LZTFL1: variants seen among roughly 807,000 people sequenced by gnomAD.
LZTFL1 encodes leucine zipper transcription factor-like protein 1.
In LZTFL1, 25 loss-of-function variants were observed where a neutral mutation model predicts 45.9. That is an observed-to-expected ratio of 0.54 (90% CI 0.40 to 0.76). The LOEUF (loss-of-function observed/expected upper bound fraction) is 0.76. LZTFL1 is among the 30% of genes least tolerant of loss of function. The probability of loss-of-function intolerance (pLI) is 0.00; values close to 1 mark genes in which losing one functional copy is unlikely to be tolerated. For synonymous variants in LZTFL1, 93 were observed against 117.4 expected (o/e 0.79, Z 1.35); for missense variants, 277 against 331.1 (o/e 0.84, Z 1.27).
intron 5 of LZTFL1, 86 bp downstream of exon 5, chr3:45,832,964 A>G (rs1700870377): frequency 9.7e-7 from 1 of 1,033,436 alleles, no homozygotes; most frequent in Admixed American, 1.8e-5. Context: ...GAGGACCTGA[A>G]ACAAACCTTC....
At position 45,834,210 on chromosome 3, in the gene LZTFL1, T is replaced by C. The variant is rs747323450; in HGVS notation, c.384+28A>G. 8 of 1,397,168 alleles carry C rather than the reference T, an allele frequency of 5.7e-6. No homozygotes were observed. The African/African-American group carries it at 1.0e-4, about 17-fold the overall frequency. 86.5% of individuals were successfully genotyped at this position (1,397,168 alleles called of 1,614,324 possible). A position where few individuals can be genotyped will look rare whatever the true frequency, so the allele number is the denominator to read the frequency against. On this transcript the variant is annotated intron_variant, in intron 4 of 9. Transcript: ENST00000296135. ...GGATTTTAAATACTGGCTATTAAGA[T>C]ATGGATTTAGAATGACCAAAAAGTT...
intron 8 of LZTFL1, 44 bp from the exon 9 acceptor site, chr3:45,827,503 A>G: frequency 8.5e-7 from 1 of 1,180,372 alleles, no homozygotes; most frequent in Non-Finnish European, 1.3e-6. Flanking sequence ...AAAATAGTTA[A>G]GGAAAGAGAT....
intron 9 of LZTFL1, chr3:45,827,136 G>C (rs1246936278): frequency 7.7e-6 from 4 of 518,270 alleles, no homozygotes; most frequent in Non-Finnish European, 1.0e-5. Flanking sequence ...CTGTAGGCCT[G>C]TGTGAGTCTA....
chr3:45,864,181 A>T (rs183794102), intron 2 of LZTFL1, among the ~76,000 whole-genome samples: 2 of 152,378 alleles, frequency 1.3e-5, no homozygotes. Flanking sequence ...ATAAATTGCT[A>T]TCAAATTACT....
At chr3:45,909,688 C>T (rs1242584642) in intron 2 of LZTFL1, among the ~76,000 whole-genome samples, 1 of 152,212 alleles carries the variant, frequency 6.6e-6, no homozygotes, top group Non-Finnish European at 1.5e-5. Context: ...AACAAAGGAA[C>T]CGAAGGAGGG....
rs923303132 is a variant in LZTFL1, at chr3:45,883,788, T to C, written c.-214-24772A>G. On this transcript the variant is annotated intron_variant, in intron 2 of 4. Transcript: ENST00000472635. ...CCCATGAACACAGTCAGGAACAACT[T>C]GTCCAAGGCCCCAAGACCATGAAGA... 1.3e-5 allele frequency: 7 copies of C among 554,196 alleles called. No individual in the cohort carries two copies. In the African/African-American group the frequency reaches 1.3e-4, roughly 11 times the overall value. 34.3% of individuals were successfully genotyped at this position (554,196 alleles called of 1,614,324 possible).
chr3:45,824,763 G>A lies in LZTFL1; in HGVS notation c.*1551C>T, dbSNP rs989137583. 5 of 398,000 alleles carry A rather than the reference G, an allele frequency of 1.3e-5. No homozygotes were observed. The highest frequency in any genetic ancestry group is 1.0e-4 in the African/African-American group (5 of 48,584). 24.7% of individuals were successfully genotyped at this position (398,000 alleles called of 1,614,324 possible). ...TAGAACATCTTGGTCCACAGACAAT[G>A]GAATGGATTTTTGGAGAGAGTGTCA... On this transcript the variant is annotated 3_prime_UTR_variant, in exon 10 of 10. Coordinates refer to ENST00000296135, the MANE Select transcript of LZTFL1 (RefSeq NM_020347.4).
intron 2 of LZTFL1, among the ~76,000 whole-genome samples, chr3:45,873,735 T>TAAACCAAACC (rs1280800742): frequency 6.6e-6 from 1 of 152,138 alleles, no homozygotes; most frequent in East Asian, 1.9e-4. Context: ...CAAACCAAAC[T>TAAACCAAACC]AAACCAAACC....
rs117433974 is a variant in LZTFL1, at chr3:45,897,853, G to A, written c.-215+15267C>T. 3.4e-4 allele frequency among the ~76,000 whole-genome samples: 51 copies of A among 152,088 alleles called. 1 individual carries two copies. In the East Asian group the frequency reaches 9.1e-3, roughly 27 times the overall value. ...GCTGCAGCAGGAGGAGAGCAGGCTTGCTGGACCGGAGAAGCAACTCCAGGC... is the reference window on the plus strand; with the variant it reads ...GCTGCAGCAGGAGGAGAGCAGGCTTACTGGACCGGAGAAGCAACTCCAGGC... On this transcript the variant is annotated intron_variant, in intron 2 of 4. Coordinates refer to the LZTFL1 transcript ENST00000472635.
At position 45,828,484 on chromosome 3, in the gene LZTFL1, C is replaced by T. The variant is rs766750557; in HGVS notation, c.732G>A (p.Lys244=). 5.0e-6 allele frequency: 8 copies of T among 1,614,192 alleles called. No homozygotes were observed. The South Asian group carries it at 6.6e-5, about 13-fold the overall frequency. Residue 244 remains lysine, a synonymous_variant, in exon 8 of 10, where the codon AAG becomes AAA. Transcript: ENST00000296135. ...GCTCCTGAACCCTGAGTAGATCGTG[C>T]TTGGCTGTCGCCAGATTCTCCTCCA... ...KSLEENLATA[K]HDLLRVQEQL... is the part of the protein sequence containing the mutation.
chr3:45,881,862 C>T lies in LZTFL1; in HGVS notation c.-214-22846G>A, dbSNP rs144947939. 2.5e-3 allele frequency among the ~76,000 whole-genome samples: 382 copies of T among 152,322 alleles called. 2 individuals carry two copies. Among genetic ancestry groups the T allele is most frequent in the African/African-American group, 8.7e-3 (363 of 41,576 alleles). The stretch of plus-strand genomic sequence containing the variant: ...TAATGTGAGCTATCTAAGGCTAGAG[C>T]CGAGGTAGAAATATTAGCTGCTGAA... On this transcript the variant is annotated intron_variant, in intron 2 of 4. Coordinates refer to the LZTFL1 transcript ENST00000472635.
rs1305039074 is a variant in LZTFL1, at chr3:45,904,579, T to C, written c.-215+8541A>G. Among the ~76,000 whole-genome samples, 3 of 152,220 alleles carry C rather than the reference T, an allele frequency of 2.0e-5. No homozygotes were observed. The East Asian group carries it at 5.8e-4, about 29-fold the overall frequency. On this transcript the variant is annotated intron_variant, in intron 2 of 4. Transcript: ENST00000472635. The stretch of plus-strand genomic sequence containing the variant: ...GAGTCCTGAGCAAGGAAGGAAGCAG[T>C]CCACAGTGAGCTCCTTCCATTTTGG...
At position 45,838,012 on chromosome 3, in the gene LZTFL1, T is replaced by C; in HGVS notation, c.43A>G (p.Ile15Val). The C allele has an allele frequency of 6.2e-7, 1 of 1,612,266 alleles. No individual in the cohort carries two copies. Among genetic ancestry groups the C allele is most frequent in the South Asian group, 1.1e-5 (1 of 90,512 alleles). Reference sequence around the variant, plus strand: ...GAACGAGCAAAACGCATATAATTAATAACTTCATTTTGATGGTGCTCATTT... The same window carrying C: ...GAACGAGCAAAACGCATATAATTAACAACTTCATTTTGATGGTGCTCATTT... ...GLNEHHQNEVINYMRFARSKR... is the reference protein window; with the variant it reads ...GLNEHHQNEVVNYMRFARSKR... The change falls in exon 2 of 10, where the codon ATT (isoleucine) becomes GTT (valine). Residue 15 changes from isoleucine (I) to valine (V), a missense_variant. Physicochemically the swap from Ile to Val is conservative, Grantham distance 29 (BLOSUM62 3). Coordinates refer to ENST00000296135, the MANE Select transcript of LZTFL1 (RefSeq NM_020347.4).
At chr3:45,831,167 A>G in intron 5 of LZTFL1, 29 bp from the exon 6 acceptor site, 1 of 1,164,558 alleles carries the variant, frequency 8.6e-7, no homozygotes. Flanking sequence ...ATTTTATTAT[A>G]TTAACCAAAA....
chr3:45,885,953 C>G (rs1701970286), intron 2 of LZTFL1, among the ~76,000 whole-genome samples: 1 of 152,174 alleles, frequency 6.6e-6, no homozygotes, highest in Admixed American at 6.5e-5. Flanking sequence ...TAGGCTCTGC[C>G]TAGTGATCTG....
chr3:45,913,719 T>C (rs1046560056), intron 1 of LZTFL1, among the ~76,000 whole-genome samples: 1 of 152,046 alleles, frequency 6.6e-6, no homozygotes, highest in African/African-American at 2.4e-5. Flanking sequence ...TGCCATTTTT[T>C]CCCCCACCCA....
chr3:45,908,504 C>T lies in LZTFL1; in HGVS notation c.-215+4616G>A, dbSNP rs78664649. On this transcript the variant is annotated intron_variant, in intron 2 of 4. Transcript: ENST00000472635. ...AGGAACAAGCTGATGGTTATCAGTA[C>T]AGGAAGCTAGAGAGTGTGACAGGGG... 5.3e-3 allele frequency among the ~76,000 whole-genome samples: 808 copies of T among 152,262 alleles called. 17 individuals are homozygous for T. The highest frequency in any genetic ancestry group is 0.033 in the East Asian group (169 of 5,174).
chr3:45,894,992 A>C (rs748297017), intron 2 of LZTFL1: 2 of 1,603,990 alleles, frequency 1.2e-6, no homozygotes, highest in East Asian at 4.5e-5. Flanking sequence ...CTCAAAACAC[A>C]CACTCATCTT....
chr3:45,879,110 A>C (rs1188149744), intron 2 of LZTFL1, among the ~76,000 whole-genome samples: 1 of 152,236 alleles, frequency 6.6e-6, no homozygotes, highest in Non-Finnish European at 1.5e-5. Context: ...AGCTTCTTAC[A>C]AAACTAAACA....
Sources: gnomAD v4.1 joint callset for allele counts (sites outside exome capture counted in the v4.1 genomes callset) on GRCh38, gnomAD v4.1.1 for gene constraint, MANE v1.5 for transcripts, NCBI Gene and HGNC (gene_info 2026-07-23, HGNC 2026-07-21) for gene names.